CACNA1C: variants seen among roughly 807,000 people sequenced by gnomAD.
CACNA1C encodes voltage-dependent L-type calcium channel subunit alpha-1C.
Under a neutral mutation model 229.0 loss-of-function variants are expected in CACNA1C, and 30 were observed. The ratio of observed to expected loss-of-function variants is 0.13; its 90% CI spans 0.10 to 0.18. CACNA1C has a LOEUF of 0.18. CACNA1C is among the 10% of genes least tolerant of loss of function. The pLI is 1.00. For synonymous variants in CACNA1C, 1,114 were observed against 1,132.5 expected (o/e 0.98, Z 0.33); for missense variants, 1,658 against 2,845.0 (o/e 0.58, Z 9.49).
chr12:2,631,865 T>C (rs2090556220), intron 29 of CACNA1C, among the ~76,000 whole-genome samples: 2 of 152,106 alleles, frequency 1.3e-5, no homozygotes, highest in South Asian at 4.1e-4. Context: ...ACGCTAAGAA[T>C]AACAGCCCCA....
rs1360583738 is a variant in CACNA1C at position 2,649,082 on chromosome 12, C to G, written c.3945+575C>G. ...TTCCAGTCACTCCAACCTTGCTATC[C>G]CTTGCATTTTTCTAAATTCCTGAAG... On this transcript the variant is annotated intron_variant, in intron 31 of 46. Coordinates refer to ENST00000399655, the MANE Select transcript of CACNA1C (RefSeq NM_000719.7). The surrounding 1 kb of genome is among the most constrained non-coding windows in gnomAD (Gnocchi z 4.4). 6.6e-6 allele frequency among the ~76,000 whole-genome samples: 1 copy of G among 152,174 alleles called. No homozygotes were observed. The highest frequency in any genetic ancestry group is 1.5e-5 in the Non-Finnish European group (1 of 68,030).
At chr12:2,638,285 T>G (rs964383176) in intron 30 of CACNA1C, among the ~76,000 whole-genome samples, 1 of 152,288 alleles carries the variant, frequency 6.6e-6, no homozygotes, top group South Asian at 2.1e-4. Context: ...ATGGGCTTCC[T>G]TAAGGAGGTG....
At chr12:2,193,852 G>A (rs1482682784) in intron 3 of CACNA1C, among the ~76,000 whole-genome samples, 8 of 152,308 alleles carry the variant, frequency 5.3e-5, no homozygotes, top group Non-Finnish European at 5.9e-5. Context: ...CTCAGAGGAG[G>A]AACGTGTCCT....
chr12:2,120,084 CTG>C (rs904431244), intron 2 of CACNA1C, among the ~76,000 whole-genome samples: 2 of 152,236 alleles, frequency 1.3e-5, no homozygotes, highest in Non-Finnish European at 2.9e-5. Flanking sequence ...TTTTAGAAAT[CTG>C]TGTTTACTCT....
chr12:2,437,799 GGATGGTGAT>G (rs2099150439), intron 3 of CACNA1C, among the ~76,000 whole-genome samples: 1 of 140,238 alleles, frequency 7.1e-6, no homozygotes, highest in Non-Finnish European at 1.6e-5. Flanking sequence ...GTGGTGGTGG[GGATGGTGAT>G]GATGGTGGTG....
intron 3 of CACNA1C, among the ~76,000 whole-genome samples, chr12:2,226,125 GCACACACACACACACACACACACA>G (rs59055471): frequency 2.8e-5 from 4 of 142,770 alleles, no homozygotes; most frequent in African/African-American, 5.2e-5. Context: ...ATGGGGACGC[GCACACACACACACACACACACACA>G]CACACACACA....
chr12:2,329,173 G>A (rs1486062586), intron 3 of CACNA1C, among the ~76,000 whole-genome samples: 2 of 152,160 alleles, frequency 1.3e-5, no homozygotes, highest in East Asian at 1.9e-4. Flanking sequence ...GCAGATCGAT[G>A]CTGCTGGTCT....
At chr12:2,641,133 A>C (rs1423654176) in intron 30 of CACNA1C, among the ~76,000 whole-genome samples, 1 of 152,266 alleles carries the variant, frequency 6.6e-6, no homozygotes, top group Admixed American at 6.5e-5. Flanking sequence ...AGATGTGGTC[A>C]GAAAGCAGAT....
intron 1 of CACNA1C, among the ~76,000 whole-genome samples, chr12:1,985,864 G>A (rs940287601): frequency 1.3e-5 from 2 of 152,016 alleles, no homozygotes; most frequent in Non-Finnish European, 2.9e-5. Flanking sequence ...AGGCTGGAGT[G>A]CAGTGGTGCG....
intron 3 of CACNA1C, among the ~76,000 whole-genome samples, chr12:2,217,055 A>G (rs1387727128): frequency 6.6e-6 from 1 of 152,286 alleles, no homozygotes; most frequent in Non-Finnish European, 1.5e-5. Flanking sequence ...ATATACATAC[A>G]GTGGAATATC....
chr12:2,472,094 C>A (rs2099596588), intron 5 of CACNA1C, among the ~76,000 whole-genome samples: 1 of 152,160 alleles, frequency 6.6e-6, no homozygotes. Context: ...TTATTATATT[C>A]ATTATATTTG....
At position 2,585,420 on chromosome 12, in the gene CACNA1C, C is replaced by T. The variant is rs1233373916; in HGVS notation, c.2384C>T (p.Ala795Val). Residue 795 changes from alanine to valine, a missense_variant, in exon 17 of 47, where the codon GCA becomes GTA. Physicochemically the swap from Ala to Val is moderately conservative, Grantham distance 64 (BLOSUM62 0). Around this residue, in one of 20 missense-constraint regions of CACNA1C, gnomAD observed 121 missense variants for 128.8 expected, o/e 0.94. Transcript: ENST00000399655. The surrounding 1 kb of genome is among the most constrained non-coding windows in gnomAD (Gnocchi z 4.1). ...EKKQELVEKPAVGESKEEKIE... is the reference protein window; with the variant it reads ...EKKQELVEKPVVGESKEEKIE... ...AAACAAGAGTTGGTGGAGAAGCCGGCAGTGGGGGAATCCAAGGAGGAGAAG... is the reference window on the plus strand; with the variant it reads ...AAACAAGAGTTGGTGGAGAAGCCGGTAGTGGGGGAATCCAAGGAGGAGAAG... The T allele has an allele frequency of 1.2e-6, 2 of 1,610,774 alleles. No homozygotes were observed. Among genetic ancestry groups the T allele is most frequent in the Admixed American group, 1.7e-5 (1 of 59,486 alleles).
chr12:2,384,614 C>T (rs1001635204), intron 3 of CACNA1C, among the ~76,000 whole-genome samples: 5 of 152,164 alleles, frequency 3.3e-5, no homozygotes, highest in African/African-American at 4.8e-5. Context: ...GACAACCCTG[C>T]ACTTTTCCTT....
At position 2,469,003 on chromosome 12, in the gene CACNA1C, A is replaced by AGTTTT. The variant is rs953262770; in HGVS notation, c.757+11313_757+11317dup. On this transcript the variant is annotated intron_variant, in intron 5 of 46. Coordinates refer to ENST00000399655, the MANE Select transcript of CACNA1C (RefSeq NM_000719.7). Reference sequence around the variant, plus strand: ...CACCCTCTTGCATGTTAGTTAGTTTAGTTTTGTTTTGTTTTGTTTTTTAAT... The same window carrying AGTTTT: ...CACCCTCTTGCATGTTAGTTAGTTTAGTTTTGTTTTGTTTTGTTTTGTTTTTTAAT... Among the ~76,000 whole-genome samples, 20 of 152,150 alleles carry AGTTTT rather than the reference A, an allele frequency of 1.3e-4. No individual in the cohort carries two copies. The South Asian group carries it at 1.9e-3, about 14-fold the overall frequency.
At chr12:2,547,214 T>C (rs1346108225) in intron 9 of CACNA1C, among the ~76,000 whole-genome samples, 5 of 152,230 alleles carry the variant, frequency 3.3e-5, no homozygotes, top group Admixed American at 6.5e-5. Context: ...CTCTCCAGGG[T>C]CCATCATTTG....
chr12:2,340,220 C>T (rs1215287487), intron 3 of CACNA1C, among the ~76,000 whole-genome samples: 1 of 152,170 alleles, frequency 6.6e-6, no homozygotes, highest in Non-Finnish European at 1.5e-5. Flanking sequence ...AAATAAATAA[C>T]TGTATTCTAT....
intron 1 of CACNA1C, among the ~76,000 whole-genome samples, chr12:2,096,939 A>G (rs895131090): frequency 3.9e-5 from 6 of 152,168 alleles, no homozygotes; most frequent in African/African-American, 1.4e-4. Flanking sequence ...ATAATACTCC[A>G]TTGTATGGAT....
intron 1 of CACNA1C, among the ~76,000 whole-genome samples, chr12:2,084,875 T>G (rs960765546): frequency 4.6e-5 from 7 of 152,188 alleles, no homozygotes; most frequent in East Asian, 1.9e-4. Flanking sequence ...CTAAGTATAG[T>G]CCTTTACATT....
At chr12:2,518,248 C>T (rs2099801681) in intron 9 of CACNA1C, among the ~76,000 whole-genome samples, 1 of 152,118 alleles carries the variant, frequency 6.6e-6, no homozygotes, top group Non-Finnish European at 1.5e-5. Flanking sequence ...AGAGCAGTAA[C>T]CTGAATATCG....
Sources: gnomAD v4.1 joint callset for allele counts (sites outside exome capture counted in the v4.1 genomes callset) on GRCh38, gnomAD v4.1.1 for gene constraint, gnomAD v4.1.1 regional missense constraint, Gnocchi (gnomAD v3.1) non-coding constraint, MANE v1.5 for transcripts, NCBI Gene and HGNC (gene_info 2026-07-23, HGNC 2026-07-21) for gene names.